Variants in TTLL6 observed in about 807,000 individuals in gnomAD.
The protein encoded by TTLL6 is tubulin polyglutamylase TTLL6.
Under a neutral mutation model 96.4 loss-of-function variants are expected in TTLL6, and 75 were observed. The observed-to-expected ratio is 0.78, with a 90% CI of 0.65 to 0.94. The LOEUF (loss-of-function observed/expected upper bound fraction) is 0.94. TTLL6 is among the 40% of genes least tolerant of loss of function. The probability of loss-of-function intolerance (pLI) is 0.00; values close to 1 mark genes in which losing one functional copy is unlikely to be tolerated. For synonymous variants in TTLL6, 411 were observed against 419.4 expected (o/e 0.98, Z 0.24); for missense variants, 1,030 against 1,093.0 (o/e 0.94, Z 0.81).
chr17:48,801,828 T>C (rs1018453856), intron 3 of TTLL6, among the ~76,000 whole-genome samples, 185 bp from the exon 4 acceptor site: 6 of 151,898 alleles, frequency 4.0e-5, no homozygotes, highest in Non-Finnish European at 7.4e-5. Context: ...CTGCATCACT[T>C]GAGTCCAGGA....
At position 48,817,189 on chromosome 17, in the gene TTLL6, A is replaced by G. The variant is rs375377217; in HGVS notation, c.-117T>C. ...TCGATTGGCCCCTGCAGTAGCTGCC[A>G]TGCCCCCTCCCTCCCGAATCCAATT... On this transcript the variant is annotated 5_prime_UTR_variant, in exon 1 of 16. An upstream start codon of the reference 5' UTR is lost. Transcript: ENST00000393382. The G allele has an allele frequency of 8.0e-6, 5 of 628,148 alleles. No individual in the cohort carries two copies. The highest frequency in any genetic ancestry group is 2.4e-5 in the South Asian group (1 of 40,820). 38.9% of individuals were successfully genotyped at this position (628,148 alleles called of 1,614,324 possible).
At chr17:48,813,957 C>T (rs1304894674) in intron 1 of TTLL6, among the ~76,000 whole-genome samples, 3 of 152,068 alleles carry the variant, frequency 2.0e-5, no homozygotes, top group Non-Finnish European at 4.4e-5. Context: ...CTTCCTGGTC[C>T]CCAAGTTATC....
intron 1 of TTLL6, among the ~76,000 whole-genome samples, chr17:48,810,781 G>GTGTGTGTA (rs1437210648): frequency 9.2e-6 from 1 of 109,212 alleles, no homozygotes; most frequent in Non-Finnish European, 2.0e-5. Context: ...TAGTATGTGT[G>GTGTGTGTA]TATATATATA....
chr17:48,816,998 C>T lies in TTLL6; in HGVS notation c.75G>A (p.Ala25=). The T allele has an allele frequency of 6.5e-7, 1 of 1,541,236 alleles. No homozygotes were observed. ...CAATTCCTACTCCCCCGTCTCGCCC[C>T]GCTGGGCTGCTAGTCCAGCTTGCAA... The part of the protein sequence containing the change: ...GVVASWTSSP[A]GRDGGVGIAG... The change falls in exon 1 of 16, where the codon GCG becomes GCA. Residue 25 remains alanine (A), a synonymous_variant. Transcript: ENST00000393382.
chr17:48,804,523 C>T, intron 2 of TTLL6: 1 of 642,344 alleles, frequency 1.6e-6, no homozygotes, highest in South Asian at 1.5e-5. Flanking sequence ...TTAAAGGCAT[C>T]CTAAACACAA....
At position 48,785,195 on chromosome 17, in the gene TTLL6, G is replaced by A. The variant is rs1191584603; in HGVS notation, c.1768C>T (p.Gln590Ter). The change falls in exon 13 of 16, where the codon CAG (glutamine) becomes TAG (stop). Residue 590 changes from glutamine (Q) to a stop codon, truncating the protein, a stop_gained. Coordinates refer to ENST00000393382, the MANE Select transcript of TTLL6 (RefSeq NM_001130918.3). LOFTEE classifies it high-confidence loss of function. ...GTGTAGGATACTAATGTCAATGGCT[G>A]GATGTACTGAGGGAGGAAGAAACCA... ...AATQASKQYI[Q>*]PLTLVSYTPD... 6.2e-7 allele frequency: 1 copy of A among 1,614,124 alleles called. No individual in the cohort carries two copies. The highest frequency in any genetic ancestry group is 1.1e-5 in the South Asian group (1 of 91,064).
At chr17:48,805,128 C>G in intron 1 of TTLL6, 137 bp from the exon 2 acceptor site, 8 of 697,368 alleles carry the variant, frequency 1.1e-5, no homozygotes, top group East Asian at 2.7e-5. Flanking sequence ...ACCCGGCCTC[C>G]GCGGTTTGAT....
At chr17:48,804,473 G>A (rs1173465990) in intron 2 of TTLL6, 17 of 547,338 alleles carry the variant, frequency 3.1e-5, no homozygotes, top group Non-Finnish European at 4.9e-5. Context: ...ACAAATCAGC[G>A]CCTTCTTAAA....
intron 5 of TTLL6, 146 bp downstream of exon 5, chr17:48,801,109 C>G (rs994229223): frequency 4.1e-6 from 3 of 728,452 alleles, no homozygotes; most frequent in African/African-American, 3.5e-5. Flanking sequence ...CTTGGACACA[C>G]CCTTTATCCC....
At chr17:48,802,078 A>AAAAGAAAGAAAGAAAGAAAAAG (rs2039429449) in intron 3 of TTLL6, among the ~76,000 whole-genome samples, 1 of 121,344 alleles carries the variant, frequency 8.2e-6, no homozygotes. Flanking sequence ...GAAAGAAAGA[A>AAAAGAAAGAAAGAAAGAAAAAG]AAAGAAAGAA....
chr17:48,781,965 C>T (rs1256496367), intron 13 of TTLL6, among the ~76,000 whole-genome samples: 1 of 152,214 alleles, frequency 6.6e-6, no homozygotes, highest in Non-Finnish European at 1.5e-5. Context: ...TTGGACTTCT[C>T]AGCCTCCAGA....
At chr17:48,792,403 T>A (rs2039243317) in intron 8 of TTLL6, among the ~76,000 whole-genome samples, 2 of 152,066 alleles carry the variant, frequency 1.3e-5, no homozygotes, top group Non-Finnish European at 2.9e-5. Flanking sequence ...CACACAAATG[T>A]GCACAGACAG....
Position 48,803,926 on chromosome 17 carries a change from A to C in TTLL6, c.326T>G (p.Leu109Trp). The C allele has an allele frequency of 6.4e-7, 1 of 1,551,912 alleles. No individual in the cohort carries two copies. The highest frequency in any genetic ancestry group is 8.7e-7 in the Non-Finnish European group (1 of 1,147,046). The change falls in exon 3 of 16, where the codon TTG becomes TGG. Residue 109 changes from leucine to tryptophan, a missense_variant and splice_region_variant. Physicochemically the swap from Leu to Trp is moderately conservative, Grantham distance 61. Transcript: ENST00000393382. The stretch of plus-strand genomic sequence containing the variant: ...CCGGCAGCTGGATAGATTGATCACC[A>C]ATCATCTGGAAAAGAGAAAAAGGAA... ...QGKKKRKKKRLVINLSSCRYE... is the reference protein window; with the variant it reads ...QGKKKRKKKRWVINLSSCRYE...
intron 9 of TTLL6, among the ~76,000 whole-genome samples, chr17:48,790,788 T>TA (rs1434446070): frequency 6.6e-6 from 1 of 152,150 alleles, no homozygotes; most frequent in East Asian, 1.9e-4. Context: ...CACCTGGCAC[T>TA]AGCACCCTTT....
chr17:48,804,553 A>G (rs1256435977), intron 2 of TTLL6: 4 of 670,678 alleles, frequency 6.0e-6, no homozygotes, highest in Non-Finnish European at 1.1e-5. Context: ...AAATTAGGAC[A>G]AGGCATGGTT....
chr17:48,788,367 C>A (rs1206034345), intron 10 of TTLL6, among the ~76,000 whole-genome samples: 1 of 152,196 alleles, frequency 6.6e-6, no homozygotes, highest in Non-Finnish European at 1.5e-5. Context: ...TGCACTTTTG[C>A]CGAATTTGAG....
chr17:48,797,688 G>A (rs2039341952), intron 6 of TTLL6, among the ~76,000 whole-genome samples: 3 of 151,106 alleles, frequency 2.0e-5, no homozygotes, highest in African/African-American at 7.3e-5. Context: ...TCAGGAGGCT[G>A]AGGCAGGAGA....
intron 15 of TTLL6, among the ~76,000 whole-genome samples, chr17:48,766,584 CTG>C (rs2038611298): frequency 6.6e-6 from 1 of 152,154 alleles, no homozygotes; most frequent in Admixed American, 6.5e-5. Flanking sequence ...TAGAAACAGA[CTG>C]GGTGTGGTGG....
chr17:48,805,973 G>A (rs2039500317), intron 1 of TTLL6, among the ~76,000 whole-genome samples: 1 of 152,180 alleles, frequency 6.6e-6, no homozygotes, highest in Non-Finnish European at 1.5e-5. Flanking sequence ...GCCAGGCATG[G>A]TGGTGCATGC....
Sources: gnomAD v4.1 joint callset for allele counts (sites outside exome capture counted in the v4.1 genomes callset) on GRCh38, gnomAD v4.1.1 for gene constraint, MANE v1.5 for transcripts, NCBI Gene and HGNC (gene_info 2026-07-23, HGNC 2026-07-21) for gene names.